The following STXBP4 variants were observed in gnomAD, a reference collection of about 807,000 sequenced individuals.
The protein encoded by STXBP4 is syntaxin-binding protein 4.
Under a neutral mutation model 76.1 loss-of-function variants are expected in STXBP4, and 55 were observed. That is an observed-to-expected ratio of 0.72 (90% CI 0.58 to 0.91). The LOEUF (loss-of-function observed/expected upper bound fraction) is 0.91. Among genes scored for constraint, STXBP4 ranks in the 40% least tolerant of loss-of-function variants. The pLI is 0.00. For missense variants in STXBP4, 618 were observed against 636.9 expected (o/e 0.97, Z 0.32); for synonymous variants, 201 against 220.2 (o/e 0.91, Z 0.77).
At chr17:55,105,506 C>T (rs565957883) in intron 16 of STXBP4, among the ~76,000 whole-genome samples, 5 of 141,490 alleles carry the variant, frequency 3.5e-5, no homozygotes, top group East Asian at 4.1e-4. Flanking sequence ...CTCACTCTGT[C>T]GCCCAGGCTG....
At chr17:55,035,037 C>T (rs981428230) in intron 10 of STXBP4, among the ~76,000 whole-genome samples, 12 of 152,010 alleles carry the variant, frequency 7.9e-5, no homozygotes, top group African/African-American at 2.9e-4. Context: ...TGGCAAACCA[C>T]CTGTTTTTGT....
downstream of STXBP4, among the ~76,000 whole-genome samples, chr17:55,178,292 G>A (rs2080438268): frequency 6.6e-6 from 1 of 152,130 alleles, no homozygotes; most frequent in Non-Finnish European, 1.5e-5. Flanking sequence ...GTTCTTCAGC[G>A]TGGGCATTAT....
chr17:54,997,947 A>G (rs1282018059), intron 4 of STXBP4, among the ~76,000 whole-genome samples: 2 of 151,898 alleles, frequency 1.3e-5, no homozygotes, highest in Non-Finnish European at 2.9e-5. Flanking sequence ...TAATGTTTAC[A>G]TTTCAGTAGG....
chr17:55,037,016 A>T (rs566286577), intron 10 of STXBP4, among the ~76,000 whole-genome samples: 1 of 152,062 alleles, frequency 6.6e-6, no homozygotes, highest in East Asian at 1.9e-4. Flanking sequence ...TTTGTAAGCA[A>T]TCTCTTTTAC....
intron 8 of STXBP4, among the ~76,000 whole-genome samples, chr17:55,026,578 C>A (rs2078419358): frequency 6.6e-6 from 1 of 152,174 alleles, no homozygotes. Flanking sequence ...GAGATACACA[C>A]CCCAACTGGG....
At chr17:55,012,511 G>A (rs2144575927) in intron 8 of STXBP4, among the ~76,000 whole-genome samples, 1 of 152,214 alleles carries the variant, frequency 6.6e-6, no homozygotes, top group African/African-American at 2.4e-5. Context: ...TGTACTGCCA[G>A]TAATAATCTC....
rs1333953972 is a variant in STXBP4 at position 55,080,253 on chromosome 17, A to C, written c.1356-797A>C. Among the ~76,000 whole-genome samples the C allele has an allele frequency of 2.0e-5, 3 of 152,318 alleles. No individual in the cohort carries two copies. The East Asian group carries it at 5.8e-4, about 29-fold the overall frequency. On this transcript the variant is annotated intron_variant, in intron 15 of 17. Coordinates refer to ENST00000376352, the MANE Select transcript of STXBP4 (RefSeq NM_178509.6). ...TTCATGGTGTCTTAGTAAATTAAACACTAGTAAAAACTGGTGCAGTCATTT... is the reference window on the plus strand; with the variant it reads ...TTCATGGTGTCTTAGTAAATTAAACCCTAGTAAAAACTGGTGCAGTCATTT...
intron 17 of STXBP4, among the ~76,000 whole-genome samples, chr17:55,145,559 C>T (rs244320): frequency 0.34 from 51,506 of 152,052 alleles, 9,120 homozygotes; most frequent in African/African-American, 0.46. Context: ...CATTGACTAT[C>T]CCTGCCCATC....
Position 55,000,819 on chromosome 17 carries a change from A to G in STXBP4, c.510A>G (p.Gly170=), listed in dbSNP as rs773904381. Residue 170 remains glycine (G), a synonymous_variant, in exon 7 of 18, where the codon GGA becomes GGG. Transcript: ENST00000376352. ...ATTTTCTTTCACAGATAAAAACTGGATACAACAAAACAGTACAGATTCCAA... is the reference window on the plus strand; with the variant it reads ...ATTTTCTTTCACAGATAAAAACTGGGTACAACAAAACAGTACAGATTCCAA... ...DILSSCEIKT[G]YNKTVQIPIT... is the part of the protein sequence containing the mutation. 12 of 1,609,966 alleles carry G rather than the reference A, an allele frequency of 7.5e-6. No homozygotes were observed. The highest frequency in any genetic ancestry group is 1.0e-5 in the Non-Finnish European group (12 of 1,176,754).
chr17:55,013,208 G>T (rs1336523235), intron 8 of STXBP4, among the ~76,000 whole-genome samples: 1 of 152,188 alleles, frequency 6.6e-6, no homozygotes, highest in Non-Finnish European at 1.5e-5. Context: ...TTGCAAGCTT[G>T]TCCCTTGGAC....
intron 15 of STXBP4, among the ~76,000 whole-genome samples, chr17:55,080,568 C>A (rs2079243447): frequency 6.6e-6 from 1 of 151,750 alleles, no homozygotes; most frequent in South Asian, 2.1e-4. Context: ...ATGCTCTAGG[C>A]TGTTTTTGAT....
intron 8 of STXBP4, among the ~76,000 whole-genome samples, chr17:55,029,042 C>T (rs1185803931): frequency 7.2e-6 from 1 of 138,114 alleles, no homozygotes; most frequent in African/African-American, 2.8e-5. Context: ...GTATAATGTT[C>T]TGTAATTTAA....
intron 10 of STXBP4, among the ~76,000 whole-genome samples, chr17:55,038,296 A>G (rs1010563154): frequency 2.6e-5 from 4 of 152,082 alleles, no homozygotes; most frequent in Non-Finnish European, 4.4e-5. Flanking sequence ...CCACCTTCCC[A>G]GTCAGCCGCC....
the STXBP4 span, among the ~76,000 whole-genome samples, chr17:55,194,326 A>T: frequency 6.6e-6 from 1 of 152,134 alleles, no homozygotes; most frequent in Non-Finnish European, 1.5e-5. Flanking sequence ...AATAGTAGGC[A>T]TTCTTATTTG....
chr17:55,182,197 GGAATTA>G, the STXBP4 span, among the ~76,000 whole-genome samples: 1 of 152,060 alleles, frequency 6.6e-6, no homozygotes, highest in Non-Finnish European at 1.5e-5. Flanking sequence ...TCTAGATAAT[GGAATTA>G]TTAGTCACAA....
At chr17:54,969,153 G>T (rs570721773) in intron 1 of STXBP4, among the ~76,000 whole-genome samples, 1 of 152,262 alleles carries the variant, frequency 6.6e-6, no homozygotes, top group South Asian at 2.1e-4. Flanking sequence ...TCAGCCCGTG[G>T]GCAGTCGGCT....
chr17:55,052,885 T>TAA (rs57404823), intron 12 of STXBP4, among the ~76,000 whole-genome samples: 15,350 of 103,914 alleles, frequency 0.15, 1,764 homozygotes, highest in East Asian at 0.32. Flanking sequence ...AAGTTTTGTT[T>TAA]AAAAAAAAAA....
At chr17:54,987,498 A>C (rs937193609) in intron 3 of STXBP4, among the ~76,000 whole-genome samples, 17 of 152,156 alleles carry the variant, frequency 1.1e-4, no homozygotes, top group African/African-American at 4.1e-4. Context: ...AGTTTATAAA[A>C]ATCTTCCTTG....
At chr17:55,069,403 C>A (rs559898202) in intron 12 of STXBP4, among the ~76,000 whole-genome samples, 3 of 152,188 alleles carry the variant, frequency 2.0e-5, no homozygotes, top group African/African-American at 7.2e-5. Flanking sequence ...CATGGTGAGG[C>A]ACTGGGAAAA....
Sources: gnomAD v4.1 joint callset for allele counts (sites outside exome capture counted in the v4.1 genomes callset) on GRCh38, gnomAD v4.1.1 for gene constraint, MANE v1.5 for transcripts, NCBI Gene and HGNC (gene_info 2026-07-23, HGNC 2026-07-21) for gene names.